Variants in TENM2 observed in about 807,000 individuals in gnomAD.
TENM2 encodes teneurin transmembrane protein 2.
Under a neutral mutation model 245.2 loss-of-function variants are expected in TENM2, and 52 were observed. That is an observed-to-expected ratio of 0.21 (90% CI 0.17 to 0.27). The LOEUF (loss-of-function observed/expected upper bound fraction) is 0.27, where lower values mean the gene tolerates loss of function less well. TENM2 is among the 10% of genes least tolerant of loss of function. The pLI, the probability that TENM2 is intolerant of heterozygous loss-of-function variation, is 1.00. For missense variants in TENM2, 3,046 were observed against 3,666.8 expected, an observed-to-expected ratio of 0.83 and a Z score of 4.37; for synonymous variants, 1,363 against 1,438.9, an observed-to-expected ratio of 0.95 and a Z score of 1.19.
intron 2 of TENM2, among the ~76,000 whole-genome samples, chr5:167,450,441 C>T (rs886304412): frequency 3.9e-5 from 6 of 152,150 alleles, no homozygotes; most frequent in South Asian, 2.1e-4. Flanking sequence ...ATAAGAACAA[C>T]GACTTTGTCT....
intron 25 of TENM2, among the ~76,000 whole-genome samples, chr5:168,242,779 C>T (rs751992258): frequency 2.0e-5 from 3 of 152,106 alleles, no homozygotes; most frequent in Middle Eastern, 3.4e-3. Flanking sequence ...ATGGTGAAAC[C>T]TCGTCTCTAC....
intron 6 of TENM2, among the ~76,000 whole-genome samples, chr5:168,059,482 T>A (rs1384408540): frequency 6.6e-6 from 1 of 152,220 alleles, no homozygotes; most frequent in Non-Finnish European, 1.5e-5. Flanking sequence ...TTATTTATAA[T>A]GCATTTCTTT....
chr5:168,222,191 C>T (rs974119308), intron 23 of TENM2, among the ~76,000 whole-genome samples: 1 of 152,198 alleles, frequency 6.6e-6, no homozygotes, highest in Admixed American at 6.5e-5. Context: ...ATGCAGCTTG[C>T]ACATTAGGTC....
intron 2 of TENM2, among the ~76,000 whole-genome samples, chr5:167,818,964 C>T (rs1297356886): frequency 2.0e-5 from 3 of 152,084 alleles, no homozygotes; most frequent in Admixed American, 6.5e-5. Flanking sequence ...AACACACTCA[C>T]GTGACATCAT....
chr5:167,244,112 A>G, the TENM2 span, among the ~76,000 whole-genome samples: 1 of 152,268 alleles, frequency 6.6e-6, no homozygotes, highest in East Asian at 1.9e-4. Context: ...ACTAAAGATT[A>G]AGTCAAGTGT....
At chr5:167,610,633 T>C (rs1031600264) in intron 2 of TENM2, among the ~76,000 whole-genome samples, 11 of 152,208 alleles carry the variant, frequency 7.2e-5, no homozygotes, top group African/African-American at 2.2e-4. Flanking sequence ...CTCTTCCAAG[T>C]ACTATAATAA....
intron 2 of TENM2, among the ~76,000 whole-genome samples, chr5:167,483,671 C>A (rs1767898069): frequency 6.6e-6 from 1 of 152,160 alleles, no homozygotes; most frequent in Admixed American, 6.6e-5. Flanking sequence ...TCTTTTTCTT[C>A]TGCTCAACTT....
chr5:167,392,514 G>A (rs1026165541), intron 2 of TENM2, among the ~76,000 whole-genome samples: 11 of 152,126 alleles, frequency 7.2e-5, no homozygotes, highest in Non-Finnish European at 1.2e-4. Flanking sequence ...TTCTCCTGCC[G>A]TCAGCATTTC....
intron 1 of TENM2, among the ~76,000 whole-genome samples, chr5:167,321,810 G>C (rs1484645338): frequency 3.6e-5 from 1 of 28,096 alleles, no homozygotes; most frequent in African/African-American, 1.3e-4. Context: ...TTGGGGGGGG[G>C]GGCGGGGGGG....
intron 2 of TENM2, among the ~76,000 whole-genome samples, chr5:167,807,585 G>A (rs1354789087): frequency 6.6e-6 from 1 of 150,554 alleles, no homozygotes; most frequent in Non-Finnish European, 1.5e-5. Context: ...AAGTCCACAG[G>A]AAAATGAACT....
At chr5:167,207,164 A>T in the TENM2 span, among the ~76,000 whole-genome samples, 1 of 152,256 alleles carries the variant, frequency 6.6e-6, no homozygotes, top group Non-Finnish European at 1.5e-5. Context: ...CTTAAATTTC[A>T]GTCTGCATTC....
At chr5:167,940,761 C>A (rs987882651) in intron 3 of TENM2, among the ~76,000 whole-genome samples, 1 of 152,194 alleles carries the variant, frequency 6.6e-6, no homozygotes, top group African/African-American at 2.4e-5. Context: ...TTCCTACACA[C>A]CACACAAGTC....
At chr5:167,155,016 C>T in the TENM2 span, among the ~76,000 whole-genome samples, 1 of 152,100 alleles carries the variant, frequency 6.6e-6, no homozygotes, top group African/African-American at 2.4e-5. Flanking sequence ...TCATAACTAC[C>T]TTGATGGTAA....
chr5:167,618,331 C>T (rs1777930006), intron 2 of TENM2, among the ~76,000 whole-genome samples: 2 of 151,972 alleles, frequency 1.3e-5, no homozygotes, highest in South Asian at 2.1e-4. Context: ...ATGCTCTTAC[C>T]ACCCCCTGTA....
At chr5:167,622,554 C>A (rs1778245172) in intron 2 of TENM2, among the ~76,000 whole-genome samples, 1 of 152,162 alleles carries the variant, frequency 6.6e-6, no homozygotes, top group East Asian at 1.9e-4. Context: ...TCCTTAGACC[C>A]ACCATTATTT....
chr5:167,888,969 A>T (rs925144006), intron 3 of TENM2, among the ~76,000 whole-genome samples: 1 of 152,212 alleles, frequency 6.6e-6, no homozygotes, highest in African/African-American at 2.4e-5. Context: ...AGTTGAACCA[A>T]TTCTATCAGT....
chr5:167,316,377 C>G (rs1269411882), intron 1 of TENM2, among the ~76,000 whole-genome samples: 1 of 152,126 alleles, frequency 6.6e-6, no homozygotes, highest in Non-Finnish European at 1.5e-5. Flanking sequence ...CATTCCAGTG[C>G]AGAGTTGTAC....
At chr5:167,027,764 T>G in the TENM2 span, among the ~76,000 whole-genome samples, 2 of 152,124 alleles carry the variant, frequency 1.3e-5, no homozygotes, top group African/African-American at 4.8e-5. Context: ...GTGCATATTG[T>G]TTCAGATATC....
chr5:167,281,241 G>A (rs1771047190), upstream of TENM2, among the ~76,000 whole-genome samples: 1 of 150,828 alleles, frequency 6.6e-6, no homozygotes, highest in South Asian at 2.1e-4. Flanking sequence ...TTGAGTAGCT[G>A]GGATTACAGG....
Sources: allele counts gnomAD v4.1 joint callset (sites outside exome capture counted in the v4.1 genomes callset), GRCh38; gene constraint gnomAD v4.1.1; transcripts MANE v1.5; gene names NCBI Gene and HGNC (gene_info 2026-07-23, HGNC 2026-07-21).